Variants in GABPA observed in about 807,000 individuals in gnomAD.
GABPA encodes the protein GA binding protein transcription factor subunit alpha.
GABPA carries 4 observed loss-of-function variants against 59.4 expected under a neutral mutation model. That is an observed-to-expected ratio of 0.07 (90% confidence interval 0.03 to 0.15). The LOEUF (loss-of-function observed/expected upper bound fraction) is 0.15, where lower values mean the gene tolerates loss of function less well. GABPA is among the 10% of genes least tolerant of loss of function. The probability of loss-of-function intolerance (pLI) is 1.00; values close to 1 mark genes in which losing one functional copy is unlikely to be tolerated. For synonymous variants in GABPA, 164 were observed against 183.1 expected, an observed-to-expected ratio of 0.90 and a Z score of 0.84; for missense variants, 251 against 543.8, an observed-to-expected ratio of 0.46 and a Z score of 5.36.
intron 4 of GABPA, among the ~76,000 whole-genome samples, chr21:25,751,627 C>T (rs1378313247): frequency 1.8e-4 from 28 of 151,926 alleles, no homozygotes; most frequent in African/African-American, 2.4e-5. Context: ...GGTAGCTGCT[C>T]ATTTATACTC....
chr21:25,752,398 GT>G (rs1601129710), intron 5 of GABPA, 164 bp downstream of exon 5: 5 of 790,248 alleles, frequency 6.3e-6, no homozygotes, highest in Non-Finnish European at 9.9e-6. Flanking sequence ...AGCTCATGTG[GT>G]GGACAAATTC....
At chr21:25,761,515 C>A (rs558374381) in intron 6 of GABPA, among the ~76,000 whole-genome samples, 167 of 152,262 alleles carry the variant, frequency 1.1e-3, no homozygotes, top group Middle Eastern at 3.4e-3. Context: ...GCAAGGCACC[C>A]TTAGCGGAGT....
rs1263259668 is a variant in GABPA at position 25,769,837 on chromosome 21, T to C, written c.*605T>C. ...AAGTTGACTGGCAAAAGAGCAGTGC[T>C]GAAGGAGGAGATCCAGGTTTAAATC... is the stretch of plus-strand genomic sequence containing the variant. On this transcript the variant is annotated 3_prime_UTR_variant, in exon 10 of 10. Coordinates refer to ENST00000400075, the MANE Select transcript of GABPA (RefSeq NM_002040.4). The C allele has an allele frequency of 6.6e-6, 1 of 152,636 alleles. No individual in the cohort carries two copies. The highest frequency in any genetic ancestry group is 2.4e-5 in the African/African-American group (1 of 41,460). The allele number at this position is 152,636 out of a possible 1,614,324, so 9.5% of individuals were successfully genotyped here. A position where few individuals can be genotyped will look rare whatever the true frequency, so the allele number is the denominator to read the frequency against.
At chr21:25,738,166 C>G (rs2035128966) in intron 1 of GABPA, among the ~76,000 whole-genome samples, 1 of 152,208 alleles carries the variant, frequency 6.6e-6, no homozygotes, top group Non-Finnish European at 1.5e-5. Context: ...ATAGGGGAAT[C>G]TTATGTCCCT....
intron 3 of GABPA, among the ~76,000 whole-genome samples, chr21:25,746,976 G>A (rs911694137): frequency 6.6e-6 from 1 of 152,108 alleles, no homozygotes; most frequent in Non-Finnish European, 1.5e-5. Flanking sequence ...GGCAAGGTAC[G>A]TTGAGTGAAA....
intron 7 of GABPA, chr21:25,762,987 C>A: frequency 2.6e-6 from 1 of 383,046 alleles, no homozygotes; most frequent in South Asian, 2.6e-5. Context: ...TTGGCTTTTC[C>A]CCTTTCTTTT....
At chr21:25,737,854 G>GT (rs1401586931) in intron 1 of GABPA, among the ~76,000 whole-genome samples, 5 of 152,094 alleles carry the variant, frequency 3.3e-5, no homozygotes, top group African/African-American at 4.8e-5. Context: ...GTAGACAACA[G>GT]TTTTTTATAA....
intron 5 of GABPA, among the ~76,000 whole-genome samples, chr21:25,754,579 C>T (rs1473393965): frequency 1.3e-5 from 2 of 152,000 alleles, no homozygotes; most frequent in African/African-American, 4.8e-5. Flanking sequence ...TTGCCAATAT[C>T]GTGTTTTCTC....
chr21:25,764,480 A>G, intron 8 of GABPA, 115 bp from the exon 9 acceptor site: 1 of 1,441,510 alleles, frequency 6.9e-7, no homozygotes, highest in Admixed American at 2.3e-5. Flanking sequence ...TTTCTAGAAA[A>G]ACAAAAATTG....
chr21:25,767,275 T>A (rs1427909485), intron 9 of GABPA, among the ~76,000 whole-genome samples: 1 of 152,118 alleles, frequency 6.6e-6, no homozygotes. Flanking sequence ...TGAGTGAATG[T>A]TCACTTTGTA....
chr21:25,752,185 T>C lies in GABPA; in HGVS notation c.504T>C (p.Ala168=), dbSNP rs1335082509. The part of the protein sequence containing the change: ...ETSEQVTRWA[A]ALEGYRKEQE... Reference sequence around the variant, plus strand: ...CAGAACAAGTGACAAGATGGGCTGCTGCACTGGAAGGCTATAGGAAAGAAC... The same window carrying C: ...CAGAACAAGTGACAAGATGGGCTGCCGCACTGGAAGGCTATAGGAAAGAAC... The change falls in exon 5 of 10, where the codon GCT becomes GCC. Residue 168 remains alanine (A), a synonymous_variant. Transcript: ENST00000400075. 1.2e-6 allele frequency: 2 copies of C among 1,612,878 alleles called. No individual in the cohort carries two copies. The highest frequency in any genetic ancestry group is 1.7e-6 in the Non-Finnish European group (2 of 1,179,408).
At chr21:25,748,197 T>C (rs543210422) in intron 3 of GABPA, among the ~76,000 whole-genome samples, 1 of 152,320 alleles carries the variant, frequency 6.6e-6, no homozygotes, top group African/African-American at 2.4e-5. Flanking sequence ...TGAGCCACCA[T>C]GCCCAGCCGT....
chr21:25,735,665 C>G (rs1376583041), intron 1 of GABPA, 87 bp downstream of exon 1: 2 of 149,854 alleles, frequency 1.3e-5, no homozygotes, highest in Admixed American at 6.6e-5. Context: ...AGGGCCCCCC[C>G]GCGGCCGCCT....
intron 9 of GABPA, among the ~76,000 whole-genome samples, chr21:25,766,331 A>T (rs1008254394): frequency 6.6e-6 from 1 of 152,000 alleles, no homozygotes; most frequent in Admixed American, 6.6e-5. Flanking sequence ...ATCTAGAAAT[A>T]CTTTCATAAC....
At chr21:25,756,378 T>A (rs1185160908) in intron 5 of GABPA, among the ~76,000 whole-genome samples, 2 of 152,178 alleles carry the variant, frequency 1.3e-5, no homozygotes, top group Non-Finnish European at 2.9e-5. Context: ...TCTTTCCTTT[T>A]CCTTGGCGTC....
chr21:25,759,521 G>T (rs374633729), intron 6 of GABPA, among the ~76,000 whole-genome samples: 1 of 152,072 alleles, frequency 6.6e-6, no homozygotes, highest in Non-Finnish European at 1.5e-5. Flanking sequence ...TTTCTCTGCT[G>T]GTGAATAAGA....
At chr21:25,747,992 C>T (rs1321522715) in intron 3 of GABPA, among the ~76,000 whole-genome samples, 3 of 152,070 alleles carry the variant, frequency 2.0e-5, no homozygotes, top group Non-Finnish European at 4.4e-5. Context: ...CTGCAACGTC[C>T]GCCTACCGGG....
intron 7 of GABPA, chr21:25,763,016 C>A: frequency 2.6e-6 from 1 of 383,600 alleles, no homozygotes; most frequent in Admixed American, 3.4e-5. Context: ...TTGCCTTCAG[C>A]TTTATTCTTT....
At chr21:25,757,927 A>C (rs1323692773) in intron 5 of GABPA, 83 bp from the exon 6 acceptor site, 1 of 455,060 alleles carries the variant, frequency 2.2e-6, no homozygotes, top group East Asian at 4.6e-5. Context: ...ATCTGTGTGT[A>C]TGTGTGTGTA....
Sources: allele counts gnomAD v4.1 joint callset (sites outside exome capture counted in the v4.1 genomes callset), GRCh38; gene constraint gnomAD v4.1.1; transcripts MANE v1.5; gene names NCBI Gene and HGNC (gene_info 2026-07-23, HGNC 2026-07-21).